ERG: variants seen among roughly 807,000 people sequenced by gnomAD.
ERG encodes the protein transcriptional regulator ERG.
Under a neutral mutation model 55.3 loss-of-function variants are expected in ERG, and 9 were observed. The ratio of observed to expected loss-of-function variants is 0.16; its 90% CI spans 0.10 to 0.28. ERG has a LOEUF of 0.28. ERG is among the 10% of genes least tolerant of loss of function. The pLI, the probability that ERG is intolerant of heterozygous loss-of-function variation, is 1.00. For synonymous variants in ERG, 223 were observed against 237.3 expected, an observed-to-expected ratio of 0.94 and a Z score of 0.55; for missense variants, 434 against 631.6, an observed-to-expected ratio of 0.69 and a Z score of 3.35.
chr21:38,431,951 C>A (rs189430061), intron 2 of ERG, among the ~76,000 whole-genome samples: 198 of 152,242 alleles, frequency 1.3e-3, no homozygotes, highest in African/African-American at 4.0e-3. Context: ...TCCTTACTGG[C>A]TGCCATTGGA....
intron 1 of ERG, among the ~76,000 whole-genome samples, chr21:38,609,741 A>C (rs1315162219): frequency 6.6e-6 from 1 of 152,262 alleles, no homozygotes; most frequent in Non-Finnish European, 1.5e-5. Context: ...AAGAGAAAGC[A>C]GAGTCACGTG....
At chr21:38,399,589 G>A (rs1182615781) in intron 6 of ERG, among the ~76,000 whole-genome samples, 4 of 152,232 alleles carry the variant, frequency 2.6e-5, no homozygotes, top group Admixed American at 1.3e-4. Flanking sequence ...GTCCCAGGGA[G>A]AGGACAAATG....
chr21:38,657,323 G>C (rs914181069), intron 1 of ERG, among the ~76,000 whole-genome samples: 9 of 152,138 alleles, frequency 5.9e-5, no homozygotes, highest in Non-Finnish European at 5.9e-5. Flanking sequence ...TACGCAATCA[G>C]GGTCTCCCAG....
chr21:38,624,801 T>G (rs548033943), intron 1 of ERG, among the ~76,000 whole-genome samples: 1 of 152,342 alleles, frequency 6.6e-6, no homozygotes, highest in South Asian at 2.1e-4. Context: ...AGAATAATAC[T>G]TGAAACATCA....
chr21:38,485,907 G>A (rs1164050079), intron 1 of ERG, among the ~76,000 whole-genome samples: 2 of 151,840 alleles, frequency 1.3e-5, no homozygotes, highest in South Asian at 2.1e-4. Flanking sequence ...GTGTACAGGT[G>A]TATCATTTTT....
chr21:38,637,648 A>G (rs1447200873), intron 1 of ERG, among the ~76,000 whole-genome samples: 1 of 152,226 alleles, frequency 6.6e-6, no homozygotes, highest in East Asian at 1.9e-4. Context: ...TTAATCATCA[A>G]TACTGTTAAT....
intron 2 of ERG, among the ~76,000 whole-genome samples, chr21:38,547,871 C>A (rs1042672116): frequency 4.6e-5 from 7 of 151,982 alleles, no homozygotes; most frequent in Middle Eastern, 6.8e-3. Flanking sequence ...TAAGTAGAGG[C>A]AATTTTTAAT....
In ERG at chr21:38,383,273, G is replaced by T; in HGVS notation, c.*130C>A. On this transcript the variant is annotated 3_prime_UTR_variant, in exon 10 of 10. Coordinates refer to ENST00000288319, the MANE Select transcript of ERG (RefSeq NM_182918.4). This position sits in a 1 kb window ranked among gnomAD's most constrained non-coding sequence, Gnocchi z 5.7. ...CCAAGAGTCTTTGGATCTCTTCCCC[G>T]GCTTCCTTCCCCAGCCCCAGTAAAG... 7.5e-7 allele frequency: 1 copy of T among 1,330,684 alleles called. No homozygotes were observed. 82.4% of individuals were successfully genotyped at this position (1,330,684 alleles called of 1,614,324 possible).
chr21:38,567,187 T>A (rs564311018), intron 2 of ERG, among the ~76,000 whole-genome samples: 1 of 152,108 alleles, frequency 6.6e-6, no homozygotes, highest in Non-Finnish European at 1.5e-5. Flanking sequence ...CGCATTGGAA[T>A]CTGGCCCTGG....
chr21:38,484,352 C>G (rs1436545900), intron 1 of ERG, among the ~76,000 whole-genome samples: 1 of 152,134 alleles, frequency 6.6e-6, no homozygotes, highest in Non-Finnish European at 1.5e-5. Context: ...ATGTGCCACT[C>G]TAAGTAGTTG....
chr21:38,552,163 A>G (rs1202724749), intron 2 of ERG, among the ~76,000 whole-genome samples: 1 of 152,042 alleles, frequency 6.6e-6, no homozygotes, highest in African/African-American at 2.4e-5. Context: ...CAGACCAATA[A>G]CGAATTACAA....
At chr21:38,624,924 G>T (rs1411371896) in intron 1 of ERG, among the ~76,000 whole-genome samples, 1 of 152,072 alleles carries the variant, frequency 6.6e-6, no homozygotes, top group East Asian at 1.9e-4. Context: ...CCAGTATTTA[G>T]CAAATAACCT....
intron 6 of ERG, among the ~76,000 whole-genome samples, chr21:38,396,153 T>C (rs1029890823): frequency 1.1e-4 from 17 of 151,954 alleles, no homozygotes; most frequent in African/African-American, 3.9e-4. Context: ...AGAACCAATC[T>C]AGAAGTGTCT....
intron 1 of ERG, among the ~76,000 whole-genome samples, chr21:38,611,567 C>A (rs963896003): frequency 2.0e-5 from 3 of 152,168 alleles, no homozygotes; most frequent in Non-Finnish European, 4.4e-5. Context: ...CCCGGCTCCC[C>A]CTTCGCCTCC....
chr21:38,382,568 C>T lies in ERG; in HGVS notation c.*835G>A. Reference sequence around the variant, plus strand: ...AACACTGGGTTTGGTATAACACTGACTGCATGAACCCTCGAGTCTCCATAA... The same window carrying T: ...AACACTGGGTTTGGTATAACACTGATTGCATGAACCCTCGAGTCTCCATAA... On this transcript the variant is annotated 3_prime_UTR_variant, in exon 10 of 10. Coordinates refer to ENST00000288319, the MANE Select transcript of ERG (RefSeq NM_182918.4). 9.4e-7 allele frequency: 1 copy of T among 1,066,022 alleles called. No homozygotes were observed. The highest frequency in any genetic ancestry group is 1.1e-6 in the Non-Finnish European group (1 of 879,466). 66.0% of individuals were successfully genotyped at this position (1,066,022 alleles called of 1,614,324 possible).
chr21:38,384,676 A>G (rs143697577), intron 9 of ERG, among the ~76,000 whole-genome samples: 1 of 152,352 alleles, frequency 6.6e-6, no homozygotes, highest in East Asian at 1.9e-4. Context: ...AATAAAAGTT[A>G]GATTTAGGAA....
intron 6 of ERG, among the ~76,000 whole-genome samples, chr21:38,397,185 G>C (rs1339217220): frequency 6.6e-6 from 1 of 152,126 alleles, no homozygotes; most frequent in Admixed American, 6.6e-5. Flanking sequence ...GAACGGCCTC[G>C]GCCAATTGTG....
chr21:38,618,207 G>A (rs2060269957), intron 1 of ERG, among the ~76,000 whole-genome samples: 1 of 152,184 alleles, frequency 6.6e-6, no homozygotes, highest in Non-Finnish European at 1.5e-5. Flanking sequence ...GCCAAGCAAG[G>A]AGCAAGACCA....
chr21:38,543,121 C>T (rs1007546177), intron 2 of ERG, among the ~76,000 whole-genome samples: 3 of 152,134 alleles, frequency 2.0e-5, no homozygotes, highest in Non-Finnish European at 2.9e-5. Context: ...GGATTCTGCT[C>T]TAGTCCAGAA....
Sources: gnomAD v4.1 joint callset for allele counts (sites outside exome capture counted in the v4.1 genomes callset) on GRCh38, gnomAD v4.1.1 for gene constraint, Gnocchi (gnomAD v3.1) non-coding constraint, MANE v1.5 for transcripts, NCBI Gene and HGNC (gene_info 2026-07-23, HGNC 2026-07-21) for gene names.